The following SYT16 variants were observed in gnomAD, a reference collection of about 807,000 sequenced individuals.
SYT16 encodes synaptotagmin-16.
Under a neutral mutation model 61.4 loss-of-function variants are expected in SYT16, and 42 were observed. The ratio of observed to expected loss-of-function variants is 0.68; its 90% CI spans 0.53 to 0.89. The LOEUF (loss-of-function observed/expected upper bound fraction) is 0.89. Ranked by LOEUF, SYT16 falls within the 40% of genes least tolerant of loss-of-function variation. The probability of loss-of-function intolerance (pLI) is 0.00; values close to 1 mark genes in which losing one functional copy is unlikely to be tolerated. For missense variants in SYT16, 804 were observed against 807.3 expected (o/e 1.00, Z 0.05); for synonymous variants, 314 against 302.3 (o/e 1.04, Z -0.40).
At chr14:61,923,677 C>T (rs767084799) in intron 1 of SYT16, among the ~76,000 whole-genome samples, 18 of 151,708 alleles carry the variant, frequency 1.2e-4, no homozygotes, top group Non-Finnish European at 2.4e-4. Flanking sequence ...GTTATTGGGA[C>T]GTAGTACAGT....
At position 61,823,282 on chromosome 14, in the gene SYT16, C is replaced by T. The variant is rs540275940; in HGVS notation, c.-325+10472C>T. On this transcript the variant is annotated intron_variant, in intron 1 of 7. Transcript: ENST00000683842. ...CTGGCATTACAGGTGTGAGCCACTG[C>T]GCCTGGCCTATTTTTTTATTTTTAA... 1.1e-4 allele frequency among the ~76,000 whole-genome samples: 17 copies of T among 152,226 alleles called. No homozygotes were observed. In the East Asian group the frequency reaches 1.7e-3, roughly 16 times the overall value.
chr14:61,818,392 G>A (rs1260118343), intron 1 of SYT16, among the ~76,000 whole-genome samples: 1 of 152,070 alleles, frequency 6.6e-6, no homozygotes, highest in African/African-American at 2.4e-5. Flanking sequence ...AATAATAGAT[G>A]ACAGCAGCCA....
intron 7 of SYT16, among the ~76,000 whole-genome samples, chr14:62,099,498 T>C (rs1367343833): frequency 2.6e-5 from 4 of 152,180 alleles, no homozygotes; most frequent in African/African-American, 4.8e-5. Context: ...TAGGGAACAC[T>C]GGAACAGCAA....
At chr14:61,992,687 T>A (rs1441369022) in intron 2 of SYT16, among the ~76,000 whole-genome samples, 1 of 152,098 alleles carries the variant, frequency 6.6e-6, no homozygotes, top group Non-Finnish European at 1.5e-5. Context: ...CAGTACAGAA[T>A]TTGAACTTTA....
At chr14:61,863,312 A>C (rs118150879) in intron 1 of SYT16, among the ~76,000 whole-genome samples, 1 of 152,140 alleles carries the variant, frequency 6.6e-6, no homozygotes, top group Non-Finnish European at 1.5e-5. Flanking sequence ...GATTTTGGCT[A>C]TTCTTATACA....
intron 1 of SYT16, among the ~76,000 whole-genome samples, chr14:61,961,720 G>A (rs1443686393): frequency 6.6e-6 from 1 of 152,154 alleles, no homozygotes; most frequent in Non-Finnish European, 1.5e-5. Context: ...ATTTCTGAAA[G>A]AACTTAAAAC....
intron 1 of SYT16, among the ~76,000 whole-genome samples, chr14:61,942,465 T>C (rs374685167): frequency 5.3e-5 from 8 of 152,320 alleles, no homozygotes; most frequent in African/African-American, 1.9e-4. Context: ...GTTATCAAAG[T>C]GACACTCCAC....
intron 2 of SYT16, among the ~76,000 whole-genome samples, chr14:61,974,302 G>A (rs1392390025): frequency 6.6e-6 from 1 of 152,134 alleles, no homozygotes; most frequent in Admixed American, 6.5e-5. Context: ...ACAATCCAAG[G>A]CCTTATGTAG....
intron 3 of SYT16, among the ~76,000 whole-genome samples, chr14:62,043,958 C>G (rs552086043): frequency 6.6e-6 from 1 of 152,258 alleles, no homozygotes; most frequent in African/African-American, 2.4e-5. Flanking sequence ...CAGGCATGAA[C>G]CACCATGCCT....
chr14:62,099,706 T>A (rs942933532), intron 7 of SYT16, among the ~76,000 whole-genome samples: 3 of 152,118 alleles, frequency 2.0e-5, no homozygotes, highest in Admixed American at 6.5e-5. Context: ...AGGGAGACCC[T>A]ATTTCTACAA....
At chr14:62,024,456 G>A (rs188360230) in intron 3 of SYT16, among the ~76,000 whole-genome samples, 1 of 152,064 alleles carries the variant, frequency 6.6e-6, no homozygotes, top group Admixed American at 6.6e-5. Flanking sequence ...TAAAAATTAT[G>A]GAAAACAGAT....
intron 2 of SYT16, among the ~76,000 whole-genome samples, chr14:61,977,696 C>G (rs968967147): frequency 6.6e-6 from 1 of 152,030 alleles, no homozygotes; most frequent in Non-Finnish European, 1.5e-5. Flanking sequence ...ACCATTATCA[C>G]CCCATTTTTT....
In SYT16 at chr14:62,108,971, A is replaced by C. The variant is rs1003159271; in HGVS notation, c.*8264A>C. 8 of 152,200 alleles carry C rather than the reference A, an allele frequency of 5.3e-5. No homozygotes were observed. Among genetic ancestry groups the C allele is most frequent in the African/African-American group, 1.9e-4 (8 of 41,432 alleles). The allele number at this position is 152,200 out of a possible 1,614,324, so 9.4% of individuals were successfully genotyped here. ...CCAAACACAACCTTCTTCCCCGTGA[A>C]CATTTTGAACACCACAGTGCTATAT... On this transcript the variant is annotated 3_prime_UTR_variant, in exon 8 of 8. Coordinates refer to ENST00000683842, the MANE Select transcript of SYT16 (RefSeq NM_001367656.1).
intron 1 of SYT16, among the ~76,000 whole-genome samples, chr14:61,949,802 T>G (rs146950779): frequency 1.8e-4 from 28 of 152,328 alleles, no homozygotes; most frequent in African/African-American, 6.7e-4. Flanking sequence ...GATTCTGATC[T>G]GGTGAGGGTA....
rs1232388817 is a variant in SYT16, at chr14:61,834,427, G to GCTTT, written c.-325+21618_-325+21621dup. On this transcript the variant is annotated intron_variant, in intron 1 of 7. Coordinates refer to ENST00000683842, the MANE Select transcript of SYT16 (RefSeq NM_001367656.1). ...TTACAGGCATGAGCCACCGTGCCTG[G>GCTTT]CTTTTTTTTTTTTTTTTTTTTTTTT... Among the ~76,000 whole-genome samples, 77 of 124,986 alleles carry GCTTT rather than the reference G, an allele frequency of 6.2e-4. 3 individuals are homozygous for GCTTT. In the South Asian group the frequency reaches 0.018, roughly 29 times the overall value. The allele number at this position is 124,986 out of a possible 152,430, so 82.0% of individuals were successfully genotyped here.
At chr14:61,955,283 G>C (rs1034806883) in intron 1 of SYT16, among the ~76,000 whole-genome samples, 5 of 152,002 alleles carry the variant, frequency 3.3e-5, no homozygotes, top group African/African-American at 1.2e-4. Flanking sequence ...ACTATTTTGG[G>C]GGTGAAGTCA....
In SYT16 at chr14:62,080,867, G is replaced by A. The variant is rs762121471; in HGVS notation, c.1027G>A (p.Gly343Arg). The stretch of plus-strand genomic sequence containing the variant: ...CAGGACCAATTTGCAGGTGCCATCC[G>A]GGGTCTCAGAGCCCATCTCAAAGTG... ...QDRTNLQVPS[G>R]VSEPISKCGD... The change falls in exon 6 of 8, where the codon GGG (glycine) becomes AGG (arginine). Residue 343 changes from glycine to arginine, a missense_variant. Coordinates refer to ENST00000683842, the MANE Select transcript of SYT16 (RefSeq NM_001367656.1). 40 of 1,603,190 alleles carry A rather than the reference G, an allele frequency of 2.5e-5. No homozygotes were observed. The highest frequency in any genetic ancestry group is 1.2e-4 in the South Asian group (11 of 88,884).
At chr14:62,044,164 C>T (rs1324340492) in intron 3 of SYT16, among the ~76,000 whole-genome samples, 1 of 150,688 alleles carries the variant, frequency 6.6e-6, no homozygotes, top group Admixed American at 6.6e-5. Context: ...TGTACCACTG[C>T]ACTCCAGCCT....
At position 62,100,398 on chromosome 14, in the gene SYT16, A is replaced by G. The variant is rs1353788859; in HGVS notation, c.1629A>G (p.Thr543=). The change falls in exon 8 of 8, where the codon ACA becomes ACG. Residue 543 remains threonine, a synonymous_variant. Transcript: ENST00000683842. ...ACCCTTTTTTTTTTGTCTTAGATAC[A>G]TATGGAAAACTCTTTCTCCTCAATT... ...RNLAVNRAPD[T]YGKLFLLNSV... The G allele has an allele frequency of 1.3e-6, 2 of 1,599,958 alleles. No individual in the cohort carries two copies. The highest frequency in any genetic ancestry group is 2.2e-5 in the East Asian group (1 of 44,614).
Sources: allele counts gnomAD v4.1 joint callset (sites outside exome capture counted in the v4.1 genomes callset), GRCh38; gene constraint gnomAD v4.1.1; transcripts MANE v1.5; gene names NCBI Gene and HGNC (gene_info 2026-07-23, HGNC 2026-07-21).